The following HS3ST1 variants were observed in gnomAD, a reference collection of about 807,000 sequenced individuals.
HS3ST1 encodes heparan sulfate-glucosamine 3-sulfotransferase 1, also known as heparan sulfate glucosamine 3-O-sulfotransferase 1.
A neutral mutation model predicts 20.7 loss-of-function variants in HS3ST1; 8 were observed. That is an observed-to-expected ratio of 0.39 (90% CI 0.23 to 0.70). The LOEUF is 0.70. HS3ST1 is among the 30% of genes least tolerant of loss of function. The pLI is 0.46. For missense variants in HS3ST1, 436 were observed against 423.4 expected, an observed-to-expected ratio of 1.03 and a Z score of -0.26; for synonymous variants, 205 against 190.4, an observed-to-expected ratio of 1.08 and a Z score of -0.63.
chr4:11,432,268 T>C (rs765345379), upstream of HS3ST1, among the ~76,000 whole-genome samples: 1 of 152,202 alleles, frequency 6.6e-6, no homozygotes, highest in South Asian at 2.1e-4. Flanking sequence ...ACCCCCAGTC[T>C]AGTGGGCAGC....
At chr4:11,411,489 T>C (rs1012714276) in intron 1 of HS3ST1, among the ~76,000 whole-genome samples, 3 of 152,244 alleles carry the variant, frequency 2.0e-5, no homozygotes, top group Non-Finnish European at 4.4e-5. Flanking sequence ...CATTTGCCTC[T>C]AACTCAAGCT....
At position 11,397,683 on chromosome 4, in the gene HS3ST1, A is replaced by C. The variant is rs1718178258; in HGVS notation, c.*1399T>G. On this transcript the variant is annotated 3_prime_UTR_variant, in exon 2 of 2. Transcript: ENST00000002596. ...CCTCCTCTTTGAAATTTCCATAATA[A>C]TATCTGCATCCTGGGGTTGCTTGGA... The C allele has an allele frequency of 6.6e-6, 1 of 152,084 alleles. No individual in the cohort carries two copies. Among genetic ancestry groups the C allele is most frequent in the Non-Finnish European group, 1.5e-5 (1 of 68,026 alleles). The allele number at this position is 152,084 out of a possible 1,614,324, so 9.4% of individuals were successfully genotyped here. A position where few individuals can be genotyped will look rare whatever the true frequency, so the allele number is the denominator to read the frequency against.
chr4:11,410,478 A>C (rs1394717511), intron 1 of HS3ST1, among the ~76,000 whole-genome samples: 2 of 152,232 alleles, frequency 1.3e-5, no homozygotes, highest in Non-Finnish European at 2.9e-5. Flanking sequence ...GGTACAAGGA[A>C]AGCCTCAGCC....
At chr4:11,422,909 G>A (rs1718973035) in intron 1 of HS3ST1, among the ~76,000 whole-genome samples, 1 of 150,970 alleles carries the variant, frequency 6.6e-6, no homozygotes, top group Admixed American at 6.6e-5. Flanking sequence ...CAAGTTAAAA[G>A]GTGCTCAGGA....
At chr4:11,410,678 G>A (rs1718599513) in intron 1 of HS3ST1, among the ~76,000 whole-genome samples, 2 of 152,092 alleles carry the variant, frequency 1.3e-5, no homozygotes, top group South Asian at 4.1e-4. Context: ...TAGAACATGA[G>A]GTCAAGAGTT....
At chr4:11,410,439 T>C (rs542056045) in intron 1 of HS3ST1, among the ~76,000 whole-genome samples, 1 of 152,158 alleles carries the variant, frequency 6.6e-6, no homozygotes, top group Non-Finnish European at 1.5e-5. Context: ...AAGCATTCAT[T>C]CAGGGCAGTA....
At chr4:11,427,964 C>T (rs896635006) in intron 1 of HS3ST1, among the ~76,000 whole-genome samples, 1 of 152,218 alleles carries the variant, frequency 6.6e-6, no homozygotes, top group Non-Finnish European at 1.5e-5. Context: ...TAAGACCCTT[C>T]CTGGGAGCTG....
Position 11,399,557 on chromosome 4 carries a change from G to C in HS3ST1, c.449C>G (p.Ser150Trp), listed in dbSNP as rs200959205. The change falls in exon 2 of 2, where the codon TCG (serine) becomes TGG (tryptophan). Residue 150 changes from serine (S) to tryptophan (W), a missense_variant. Transcript: ENST00000002596. The surrounding 1 kb of genome is among the most constrained non-coding windows in gnomAD (Gnocchi z 5.1). ...IRLLLILRDP[S>W]ERVLSDYTQV... ...GGTGTAGTCAGATAGCACGCGCTCCGACGGGTCTCGCAGGATGAGCAGCAG... is the reference window on the plus strand; with the variant it reads ...GGTGTAGTCAGATAGCACGCGCTCCCACGGGTCTCGCAGGATGAGCAGCAG... The C allele has an allele frequency of 1.2e-6, 2 of 1,613,828 alleles. No homozygotes were observed. The highest frequency in any genetic ancestry group is 1.1e-5 in the South Asian group (1 of 91,074).
At chr4:11,432,128 C>T (rs224486), upstream of HS3ST1, among the ~76,000 whole-genome samples, 19,157 of 152,134 alleles carry the variant, frequency 0.13, 1,793 homozygotes, top group East Asian at 0.42. Context: ...CTCTTTCCCA[C>T]AAAATATGTA....
chr4:11,399,729 C>G lies in HS3ST1; in HGVS notation c.277G>C (p.Glu93Gln), dbSNP rs147021345. 104 of 1,613,904 alleles carry G rather than the reference C, an allele frequency of 6.4e-5. No individual in the cohort carries two copies. The African/African-American group carries it at 1.4e-3, about 21-fold the overall frequency. The change falls in exon 2 of 2, where the codon GAG becomes CAG. Residue 93 changes from glutamate to glutamine, a missense_variant. Physicochemically the swap from Glu to Gln is conservative, Grantham distance 29. Transcript: ENST00000002596. The surrounding 1 kb of genome is among the most constrained non-coding windows in gnomAD (Gnocchi z 5.1). ...CCCAAGCCGTGGCTGTAATGCTCCT[C>G]CCAGTCGAAGAAGTGGACCTCGTTC... Reference protein sequence around the residue: ...AENEVHFFDWEEHYSHGLGWY... With the variant: ...AENEVHFFDWQEHYSHGLGWY...
chr4:11,426,818 G>A (rs574554115), intron 1 of HS3ST1, among the ~76,000 whole-genome samples: 3 of 152,344 alleles, frequency 2.0e-5, no homozygotes, highest in Non-Finnish European at 4.4e-5. Context: ...GCTTAGCGCT[G>A]GAGAAAACCT....
chr4:11,429,643 C>CCTTTTTT (rs1719163435), upstream of HS3ST1: 1 of 47,232 alleles, frequency 2.1e-5, no homozygotes, highest in Non-Finnish European at 3.7e-5. Context: ...GAAAATTCAG[C>CCTTTTTT]TTTTTTTTTT....
intron 1 of HS3ST1, among the ~76,000 whole-genome samples, chr4:11,409,768 T>A (rs1449088842): frequency 1.3e-5 from 2 of 152,240 alleles, no homozygotes. Flanking sequence ...CCACTGTGTG[T>A]ATTTCCAGGG....
chr4:11,410,762 C>T (rs1718604474), intron 1 of HS3ST1, among the ~76,000 whole-genome samples: 1 of 152,078 alleles, frequency 6.6e-6, no homozygotes, highest in Non-Finnish European at 1.5e-5. Context: ...CGTGGTGGCA[C>T]ACGCCTGTAA....
At chr4:11,425,370 A>T (rs980593388) in intron 1 of HS3ST1, among the ~76,000 whole-genome samples, 21 of 152,248 alleles carry the variant, frequency 1.4e-4, no homozygotes, top group East Asian at 1.9e-4. Flanking sequence ...CTCCTTTTTT[A>T]AAAAAATTAT....
chr4:11,424,037 GAAAAAAAAAA>G (rs543945093), intron 1 of HS3ST1, among the ~76,000 whole-genome samples: 1 of 112,914 alleles, frequency 8.9e-6, no homozygotes, highest in African/African-American at 3.2e-5. Flanking sequence ...AGTCTATCTT[GAAAAAAAAAA>G]AAAAAAAAAA....
intron 1 of HS3ST1, among the ~76,000 whole-genome samples, chr4:11,428,122 A>G (rs568835139): frequency 6.6e-6 from 1 of 152,324 alleles, no homozygotes; most frequent in Admixed American, 6.5e-5. Flanking sequence ...CCCTCATGTA[A>G]TTGGCATTAG....
chr4:11,418,204 C>T (rs113724213), intron 1 of HS3ST1, among the ~76,000 whole-genome samples: 25 of 152,220 alleles, frequency 1.6e-4, no homozygotes, highest in Non-Finnish European at 2.8e-4. Flanking sequence ...AGGGGAGGAT[C>T]GGCCAGAAGG....
At position 11,399,802 on chromosome 4, in the gene HS3ST1, G is replaced by C; in HGVS notation, c.204C>G (p.Arg68=). 6.2e-7 allele frequency: 1 copy of C among 1,613,152 alleles called. No homozygotes were observed. The highest frequency in any genetic ancestry group is 8.5e-7 in the Non-Finnish European group (1 of 1,179,822). ...IIIGVRKGGT[R]ALLEMLSLHP... is the part of the protein sequence containing the mutation. Reference sequence around the variant, plus strand: ...GCAGGCTGAGCATCTCCAGCAGTGCGCGCGTGCCGCCCTTGCGCACGCCGA... The same window carrying C: ...GCAGGCTGAGCATCTCCAGCAGTGCCCGCGTGCCGCCCTTGCGCACGCCGA... The change falls in exon 2 of 2, where the codon CGC becomes CGG. Residue 68 remains arginine (R), a synonymous_variant. Transcript: ENST00000002596. This position sits in a 1 kb window ranked among gnomAD's most constrained non-coding sequence, Gnocchi z 5.1.
Sources: gnomAD v4.1 joint callset for allele counts (sites outside exome capture counted in the v4.1 genomes callset) on GRCh38, gnomAD v4.1.1 for gene constraint, Gnocchi (gnomAD v3.1) non-coding constraint, MANE v1.5 for transcripts, NCBI Gene and HGNC (gene_info 2026-07-23, HGNC 2026-07-21) for gene names.